FBXO40: variants seen among roughly 807,000 people sequenced by gnomAD.
FBXO40 encodes F-box protein 40.
FBXO40 carries 50 observed loss-of-function variants against 49.9 expected under a neutral mutation model. The ratio of observed to expected loss-of-function variants is 1.00; its 90% CI spans 0.80 to 1.27. FBXO40 has a LOEUF of 1.27. FBXO40 is among the 50% of genes most tolerant of loss of function. The pLI is 0.00. For missense variants in FBXO40, 895 were observed against 870.1 expected (o/e 1.03, Z -0.36); for synonymous variants, 340 against 320.2 (o/e 1.06, Z -0.66).
chr3:121,603,559 G>A (rs2048911968), intron 1 of FBXO40, among the ~76,000 whole-genome samples: 1 of 152,138 alleles, frequency 6.6e-6, no homozygotes, highest in Non-Finnish European at 1.5e-5. Context: ...GAGATGTTTT[G>A]TCTGGCCATA....
intron 1 of FBXO40, among the ~76,000 whole-genome samples, chr3:121,619,353 C>T (rs1312061202): frequency 2.0e-5 from 3 of 152,066 alleles, no homozygotes; most frequent in Non-Finnish European, 2.9e-5. Flanking sequence ...TGCTAACCTC[C>T]CCACTCCATC....
chr3:121,622,144 G>C lies in FBXO40; in HGVS notation c.715G>C (p.Glu239Gln). Residue 239 changes from glutamate (E) to glutamine (Q), a missense_variant, in exon 3 of 4, where the codon GAG becomes CAG. Glu to Gln is a conservative substitution (Grantham distance 29). Transcript: ENST00000338040. ...TTTAACAAATTCATCAGCGAGCTGT[G>C]AGAGCAAGAACAAGAATGACTCCGA... The part of the protein sequence containing the change: ...SALTNSSASC[E>Q]SKNKNDSEKE... 6.2e-7 allele frequency: 1 copy of C among 1,614,154 alleles called. No homozygotes were observed. Among genetic ancestry groups the C allele is most frequent in the Non-Finnish European group, 8.5e-7 (1 of 1,180,026 alleles).
At position 121,622,663 on chromosome 3, in the gene FBXO40, G is replaced by A. The variant is rs143415272; in HGVS notation, c.1234G>A (p.Val412Ile). The A allele has an allele frequency of 9.9e-6, 16 of 1,614,070 alleles. No homozygotes were observed. The highest frequency in any genetic ancestry group is 1.7e-5 in the Admixed American group (1 of 60,006). Residue 412 changes from valine (V) to isoleucine (I), a missense_variant, in exon 3 of 4, where the codon GTC (valine) becomes ATC (isoleucine). Val to Ile is a conservative substitution (Grantham distance 29, BLOSUM62 3). Coordinates refer to ENST00000338040, the MANE Select transcript of FBXO40 (RefSeq NM_016298.4). ...CALERELKGH[V>I]ISESRSIDGL... ...TTTGGAAAGAGAACTCAAAGGCCAC[G>A]TCATCTCTGAATCCAGAAGCATTGA...
In FBXO40 at chr3:121,621,690, G is replaced by A. The variant is rs751462220; in HGVS notation, c.261G>A (p.Val87=). ...SRHKLAKHLQ[V]CPASVVCCSM... Reference sequence around the variant, plus strand: ...ACAAACTGGCCAAGCACCTGCAGGTGTGCCCCGCCAGCGTGGTCTGCTGCT... The same window carrying A: ...ACAAACTGGCCAAGCACCTGCAGGTATGCCCCGCCAGCGTGGTCTGCTGCT... Residue 87 remains valine (V), a synonymous_variant, in exon 3 of 4, where the codon GTG becomes GTA. Transcript: ENST00000338040. 1.1e-5 allele frequency: 17 copies of A among 1,614,080 alleles called. No individual in the cohort carries two copies. The highest frequency in any genetic ancestry group is 1.6e-4 in the Middle Eastern group (1 of 6,084).
intron 1 of FBXO40, among the ~76,000 whole-genome samples, chr3:121,610,566 T>A (rs1325347838): frequency 6.6e-6 from 1 of 152,220 alleles, no homozygotes; most frequent in Non-Finnish European, 1.5e-5. Flanking sequence ...ACAGGCTTTA[T>A]CACAAATCTT....
At chr3:121,602,730 A>G (rs2048906537) in intron 1 of FBXO40, among the ~76,000 whole-genome samples, 1 of 152,068 alleles carries the variant, frequency 6.6e-6, no homozygotes, top group Non-Finnish European at 1.5e-5. Flanking sequence ...ATAATTCCAG[A>G]TGCTTTAGCC....
At chr3:121,599,222 C>G (rs898864811) in intron 1 of FBXO40, among the ~76,000 whole-genome samples, 1 of 152,122 alleles carries the variant, frequency 6.6e-6, no homozygotes, top group African/African-American at 2.4e-5. Flanking sequence ...AATCCTAGCA[C>G]GTTGGGAGGC....
At chr3:121,615,027 G>A (rs1358139157) in intron 1 of FBXO40, among the ~76,000 whole-genome samples, 1 of 152,048 alleles carries the variant, frequency 6.6e-6, no homozygotes, top group Non-Finnish European at 1.5e-5. Flanking sequence ...AGACTATCCT[G>A]GCTAACATGA....
intron 3 of FBXO40, 21 bp downstream of exon 3, chr3:121,623,364 T>C: frequency 6.3e-7 from 1 of 1,579,696 alleles, no homozygotes; most frequent in Non-Finnish European, 8.6e-7. Flanking sequence ...ACTCATTTAT[T>C]GATTGACTCA....
At chr3:121,608,006 G>A (rs1404677483) in intron 1 of FBXO40, among the ~76,000 whole-genome samples, 1 of 152,238 alleles carries the variant, frequency 6.6e-6, no homozygotes, top group Non-Finnish European at 1.5e-5. Flanking sequence ...GAGGGGTCCT[G>A]GGCCAAATCG....
At chr3:121,610,326 A>C (rs935923800) in intron 1 of FBXO40, among the ~76,000 whole-genome samples, 2 of 152,244 alleles carry the variant, frequency 1.3e-5, no homozygotes, top group South Asian at 4.1e-4. Flanking sequence ...TGCAAAAGTC[A>C]TGTCTAAAAG....
chr3:121,609,401 A>G (rs947672025), intron 1 of FBXO40, among the ~76,000 whole-genome samples: 1 of 150,576 alleles, frequency 6.6e-6, no homozygotes, highest in African/African-American at 2.4e-5. Flanking sequence ...AATCATCTAC[A>G]TACTAGATAA....
intron 1 of FBXO40, among the ~76,000 whole-genome samples, chr3:121,600,330 C>T (rs2048896001): frequency 6.6e-6 from 1 of 151,752 alleles, no homozygotes; most frequent in South Asian, 2.1e-4. Context: ...TTTGCCTCAG[C>T]ACCTGACTTA....
At chr3:121,596,595 T>C (rs981444923) in intron 1 of FBXO40, among the ~76,000 whole-genome samples, 4 of 152,246 alleles carry the variant, frequency 2.6e-5, no homozygotes, top group African/African-American at 9.6e-5. Context: ...GATTTCTTAA[T>C]ATCTGCCTGA....
rs1057358859 is a variant in FBXO40 at position 121,627,040 on chromosome 3, C to G, written c.*130C>G. ...TTGCTTATCGGGGTGTATTGGAACA[C>G]GCAATGTCCTTCGAAACCTCAACAC... On this transcript the variant is annotated 3_prime_UTR_variant, in exon 4 of 4. Coordinates refer to ENST00000338040, the MANE Select transcript of FBXO40 (RefSeq NM_016298.4). 7.7e-6 allele frequency: 6 copies of G among 780,644 alleles called. No homozygotes were observed. The highest frequency in any genetic ancestry group is 1.2e-5 in the Non-Finnish European group (6 of 481,494). 48.4% of individuals were successfully genotyped at this position (780,644 alleles called of 1,614,324 possible).
Position 121,621,784 on chromosome 3 carries a change from A to G in FBXO40, c.355A>G (p.Thr119Ala), listed in dbSNP as rs775065669. Residue 119 changes from threonine to alanine, a missense_variant, in exon 3 of 4, where the codon ACC (threonine) becomes GCC (alanine). Thr to Ala is a moderately conservative substitution (Grantham distance 58, BLOSUM62 0). Transcript: ENST00000338040. ...CCTTCATGAAAACATCATGAAAGAG[A>G]CCCCCAGTGAGGAGTGTTTGGACAC... ...TTLHENIMKE[T>A]PSEECLDTAL... is the part of the protein sequence containing the mutation. 3 of 1,614,058 alleles carry G rather than the reference A, an allele frequency of 1.9e-6. No individual in the cohort carries two copies. The South Asian group carries it at 3.3e-5, about 18-fold the overall frequency.
chr3:121,612,852 G>A lies in FBXO40; in HGVS notation c.-30-7694G>A, dbSNP rs1166394068. Among the ~76,000 whole-genome samples, 4 of 152,022 alleles carry A rather than the reference G, an allele frequency of 2.6e-5. No homozygotes were observed. In the South Asian group the frequency reaches 8.3e-4, roughly 32 times the overall value. On this transcript the variant is annotated intron_variant, in intron 1 of 3. Transcript: ENST00000338040. The stretch of plus-strand genomic sequence containing the variant: ...TGGGAGGCCGAGGCTGGCAGATCAC[G>A]AGGTCAGTGAATCGAGGCCATCCTG...
At chr3:121,604,953 T>C (rs938856324) in intron 1 of FBXO40, among the ~76,000 whole-genome samples, 52 of 149,858 alleles carry the variant, frequency 3.5e-4, no homozygotes, top group Non-Finnish European at 6.4e-4. Context: ...TTTATTTATT[T>C]ATTTATTTAT....
Position 121,628,169 on chromosome 3 carries a change from C to A in FBXO40, c.*1259C>A. 2 of 269,472 alleles carry A rather than the reference C, an allele frequency of 7.4e-6. No homozygotes were observed. The highest frequency in any genetic ancestry group is 1.4e-5 in the Non-Finnish European group (2 of 147,146). The allele number at this position is 269,472 out of a possible 1,614,324, so 16.7% of individuals were successfully genotyped here. Reference sequence around the variant, plus strand: ...TATTGACATTTTTAAATGGATAATTCTTTTTTTTTTTTTCTAGGTGGGGAG... The same window carrying A: ...TATTGACATTTTTAAATGGATAATTATTTTTTTTTTTTTCTAGGTGGGGAG... On this transcript the variant is annotated 3_prime_UTR_variant, in exon 4 of 4. Coordinates refer to ENST00000338040, the MANE Select transcript of FBXO40 (RefSeq NM_016298.4).
Sources: allele counts gnomAD v4.1 joint callset (sites outside exome capture counted in the v4.1 genomes callset), GRCh38; gene constraint gnomAD v4.1.1; transcripts MANE v1.5; gene names NCBI Gene and HGNC (gene_info 2026-07-23, HGNC 2026-07-21).